Variants in CHRM3 observed in about 807,000 individuals in gnomAD.
CHRM3 encodes the protein muscarinic acetylcholine receptor M3.
Under a neutral mutation model 41.8 loss-of-function variants are expected in CHRM3, and 11 were observed. That is an observed-to-expected ratio of 0.26 (90% CI 0.17 to 0.44). CHRM3 has a LOEUF of 0.44. Ranked by LOEUF, CHRM3 falls within the 20% of genes least tolerant of loss-of-function variation. The pLI, the probability that CHRM3 is intolerant of heterozygous loss-of-function variation, is 1.00. For missense variants in CHRM3, 571 were observed against 745.4 expected, an observed-to-expected ratio of 0.77 and a Z score of 2.72; for synonymous variants, 297 against 301.4, an observed-to-expected ratio of 0.99 and a Z score of 0.15.
chr1:239,589,074 CA>C (rs1663762348), intron 3 of CHRM3, among the ~76,000 whole-genome samples: 1 of 152,120 alleles, frequency 6.6e-6, no homozygotes, highest in East Asian at 2.0e-4. Context: ...GCTGGGATTA[CA>C]GGCACGTGCC....
At chr1:239,790,095 T>C (rs754031187) in intron 5 of CHRM3, among the ~76,000 whole-genome samples, 11 of 152,184 alleles carry the variant, frequency 7.2e-5, no homozygotes, top group African/African-American at 2.4e-4. Context: ...CCCGTACCCA[T>C]TGGATCTAGG....
intron 5 of CHRM3, chr1:239,719,124 TC>T (rs1662680323): frequency 6.6e-6 from 1 of 151,952 alleles, no homozygotes; most frequent in South Asian, 2.1e-4. Flanking sequence ...AGTTAGGTGT[TC>T]CTAGTTAGAG....
At chr1:239,602,230 G>C (rs1271908015) in intron 3 of CHRM3, among the ~76,000 whole-genome samples, 1 of 151,088 alleles carries the variant, frequency 6.6e-6, no homozygotes, top group Admixed American at 6.6e-5. Flanking sequence ...TGCCTCCCAG[G>C]TTCACGCCCG....
At chr1:239,755,297 T>C (rs1666148993) in intron 5 of CHRM3, among the ~76,000 whole-genome samples, 3 of 152,344 alleles carry the variant, frequency 2.0e-5, no homozygotes, top group East Asian at 1.9e-4. Context: ...CTGTAAATCA[T>C]TGAGTTTCAT....
At chr1:239,666,784 G>T (rs1431481803) in intron 4 of CHRM3, among the ~76,000 whole-genome samples, 2 of 152,100 alleles carry the variant, frequency 1.3e-5, no homozygotes, top group Non-Finnish European at 2.9e-5. Context: ...CCCAGGAAGT[G>T]AGCATAGTGT....
intron 2 of CHRM3, among the ~76,000 whole-genome samples, chr1:239,507,522 T>G (rs1044144222): frequency 6.6e-6 from 1 of 152,232 alleles, no homozygotes; most frequent in African/African-American, 2.4e-5. Context: ...CTCATCTCAG[T>G]TATGTCCTTA....
intron 1 of CHRM3, among the ~76,000 whole-genome samples, chr1:239,408,034 C>T (rs1572191838): frequency 2.0e-5 from 3 of 152,242 alleles, no homozygotes; most frequent in Admixed American, 6.5e-5. Flanking sequence ...TCATCTTGAA[C>T]TATATTTCCC....
At chr1:239,893,232 A>G (rs1362408943) in intron 6 of CHRM3, among the ~76,000 whole-genome samples, 2 of 152,260 alleles carry the variant, frequency 1.3e-5, no homozygotes, top group Non-Finnish European at 2.9e-5. Context: ...GCAAAAGAAC[A>G]CATTTTGGAA....
chr1:239,828,246 A>G (rs892358499), intron 6 of CHRM3, among the ~76,000 whole-genome samples: 2 of 152,178 alleles, frequency 1.3e-5, no homozygotes, highest in African/African-American at 4.8e-5. Context: ...TTACACACAC[A>G]TAGATATACA....
intron 5 of CHRM3, among the ~76,000 whole-genome samples, chr1:239,776,190 A>G (rs1276560814): frequency 6.6e-6 from 1 of 152,194 alleles, no homozygotes; most frequent in Non-Finnish European, 1.5e-5. Context: ...AAAAAAGCAC[A>G]GACTCTGGAG....
intron 6 of CHRM3, among the ~76,000 whole-genome samples, chr1:239,881,813 A>G (rs1364165850): frequency 6.6e-6 from 1 of 152,174 alleles, no homozygotes; most frequent in Non-Finnish European, 1.5e-5. Context: ...GACCATTTTG[A>G]TAAGTCCCAG....
At chr1:239,535,732 C>T (rs1277912814) in intron 2 of CHRM3, among the ~76,000 whole-genome samples, 2 of 151,998 alleles carry the variant, frequency 1.3e-5, no homozygotes, top group Non-Finnish European at 2.9e-5. Context: ...CCTGAAACTG[C>T]TCTTGAAACT....
chr1:239,730,658 G>A (rs1663883671), intron 5 of CHRM3, among the ~76,000 whole-genome samples: 4 of 152,094 alleles, frequency 2.6e-5, no homozygotes, highest in Admixed American at 2.0e-4. Flanking sequence ...AGTTTAGGTT[G>A]CATGAGTGAA....
chr1:239,407,665 C>T (rs1233216800), intron 1 of CHRM3, among the ~76,000 whole-genome samples: 1 of 151,894 alleles, frequency 6.6e-6, no homozygotes, highest in African/African-American at 2.4e-5. Context: ...GCGTGGTACA[C>T]CTGAAGAACA....
At chr1:239,604,977 C>A (rs758422395) in intron 3 of CHRM3, among the ~76,000 whole-genome samples, 2 of 152,098 alleles carry the variant, frequency 1.3e-5, no homozygotes, top group African/African-American at 2.4e-5. Context: ...CCATGCAAAC[C>A]TACAACTTTC....
At chr1:239,859,413 G>C (rs1265432244) in intron 6 of CHRM3, among the ~76,000 whole-genome samples, 1 of 113,262 alleles carries the variant, frequency 8.8e-6, no homozygotes, top group Non-Finnish European at 1.8e-5. Context: ...TGTTGTTGTT[G>C]TTGTTGTTTT....
At chr1:239,557,783 A>C (rs1660499490) in intron 3 of CHRM3, among the ~76,000 whole-genome samples, 2 of 152,252 alleles carry the variant, frequency 1.3e-5, no homozygotes, top group South Asian at 2.1e-4. Flanking sequence ...AATGGCTTCC[A>C]GCTTCATCAT....
chr1:239,678,411 T>A (rs963105451), intron 5 of CHRM3, 123 bp downstream of exon 5: 2 of 152,206 alleles, frequency 1.3e-5, no homozygotes, highest in Non-Finnish European at 1.5e-5. Context: ...GTGTCAGCGA[T>A]GACTGTCTTT....
At chr1:239,652,151 C>G (rs1672304101) in intron 4 of CHRM3, among the ~76,000 whole-genome samples, 1 of 152,150 alleles carries the variant, frequency 6.6e-6, no homozygotes, top group Non-Finnish European at 1.5e-5. Flanking sequence ...ATCCACTGAG[C>G]CGGTGTATAC....
Sources: gnomAD v4.1 joint callset for allele counts (sites outside exome capture counted in the v4.1 genomes callset) on GRCh38, gnomAD v4.1.1 for gene constraint, MANE v1.5 for transcripts, NCBI Gene and HGNC (gene_info 2026-07-23, HGNC 2026-07-21) for gene names.